The following ZNRF1 variants were observed in gnomAD, a reference collection of about 807,000 sequenced individuals.
The protein encoded by ZNRF1 is zinc and ring finger 1, also known as E3 ubiquitin-protein ligase ZNRF1.
Under a neutral mutation model 18.4 loss-of-function variants are expected in ZNRF1, and 3 were observed. That is an observed-to-expected ratio of 0.16 (90% CI 0.07 to 0.42). The LOEUF (loss-of-function observed/expected upper bound fraction) is 0.42, where lower values mean the gene tolerates loss of function less well. Ranked by LOEUF, ZNRF1 falls within the 10% of genes least tolerant of loss-of-function variation. ZNRF1 has a pLI of 0.99. For synonymous variants in ZNRF1, 157 were observed against 144.2 expected, an observed-to-expected ratio of 1.09 and a Z score of -0.64; for missense variants, 310 against 329.8, an observed-to-expected ratio of 0.94 and a Z score of 0.47.
intron 1 of ZNRF1, among the ~76,000 whole-genome samples, chr16:75,047,106 TC>T (rs2035525998): frequency 6.6e-6 from 1 of 152,232 alleles, no homozygotes; most frequent in Non-Finnish European, 1.5e-5. Context: ...TCATTACAGA[TC>T]CACCCCATTC....
chr16:75,042,443 C>CTTTTT (rs56212046), intron 1 of ZNRF1, among the ~76,000 whole-genome samples: 1,255 of 116,476 alleles, frequency 0.011, 1 homozygote, highest in East Asian at 0.031. Context: ...CTGTTTCTTT[C>CTTTTT]TTTTTTTTTT....
intron 1 of ZNRF1, among the ~76,000 whole-genome samples, chr16:75,030,960 C>G (rs771504034): frequency 1.3e-5 from 2 of 151,008 alleles, no homozygotes; most frequent in Non-Finnish European, 2.9e-5. Flanking sequence ...TCCTCAGCCT[C>G]CTAAATAGCT....
intron 1 of ZNRF1, among the ~76,000 whole-genome samples, chr16:75,065,832 A>G (rs1597891060): frequency 6.6e-6 from 1 of 152,038 alleles, no homozygotes; most frequent in Non-Finnish European, 1.5e-5. Flanking sequence ...TCCTGTGGAC[A>G]CTCCACCAAT....
chr16:75,000,376 C>T (rs1030226804), intron 1 of ZNRF1: 1 of 620,566 alleles, frequency 1.6e-6, no homozygotes, highest in Non-Finnish European at 3.0e-6. Flanking sequence ...GCATCACCCT[C>T]CTCAGAGAAG....
intron 2 of ZNRF1, among the ~76,000 whole-genome samples, chr16:75,099,327 TA>T (rs2145426796): frequency 6.6e-6 from 1 of 152,206 alleles, no homozygotes. Flanking sequence ...CTTTGACAAA[TA>T]GCAGCTGTCA....
In ZNRF1 at chr16:75,090,880, G is replaced by A. The variant is rs147882572; in HGVS notation, c.425-2692G>A. ...GGCCACCAGAGTCACGGCTTTTCATGCAGAGTTAGGCACCCAATTAAATAA... is the reference window on the plus strand; with the variant it reads ...GGCCACCAGAGTCACGGCTTTTCATACAGAGTTAGGCACCCAATTAAATAA... On this transcript the variant is annotated intron_variant, in intron 1 of 4. Coordinates refer to ENST00000335325, the MANE Select transcript of ZNRF1 (RefSeq NM_032268.5). Among the ~76,000 whole-genome samples, 399 of 152,268 alleles carry A rather than the reference G, an allele frequency of 2.6e-3. 1 individual carries two copies. The highest frequency in any genetic ancestry group is 1.6e-3 in the Non-Finnish European group (110 of 68,006).
chr16:75,079,483 A>T (rs568935061), intron 1 of ZNRF1, among the ~76,000 whole-genome samples: 5 of 152,068 alleles, frequency 3.3e-5, no homozygotes, highest in Non-Finnish European at 7.4e-5. Flanking sequence ...CGTCTCAAAA[A>T]CAAAAACAAG....
At chr16:75,083,488 T>A (rs2036039702) in intron 1 of ZNRF1, among the ~76,000 whole-genome samples, 1 of 151,862 alleles carries the variant, frequency 6.6e-6, no homozygotes. Context: ...ATGCTTAGAG[T>A]AGAAAATGAA....
rs1289860069 is a variant in ZNRF1 at position 74,999,577 on chromosome 16, T to A, written c.-95T>A. 4.3e-6 allele frequency: 4 copies of A among 932,630 alleles called. No individual in the cohort carries two copies. In the African/African-American group the frequency reaches 5.2e-5, roughly 12 times the overall value. The allele number at this position is 932,630 out of a possible 1,614,324, so 57.8% of individuals were successfully genotyped here. ...CCTCCGGGTCTCCTTTTTGACTCCC[T>A]CCCCCTTTATGCTCGCCCAGCCCTC... On this transcript the variant is annotated 5_prime_UTR_variant, in exon 1 of 5. Coordinates refer to ENST00000335325, the MANE Select transcript of ZNRF1 (RefSeq NM_032268.5).
chr16:75,036,218 G>C (rs1160987731), intron 1 of ZNRF1, among the ~76,000 whole-genome samples: 1 of 152,184 alleles, frequency 6.6e-6, no homozygotes, highest in Non-Finnish European at 1.5e-5. Context: ...TCACAGGCAT[G>C]TGCCATCACA....
intron 1 of ZNRF1, among the ~76,000 whole-genome samples, chr16:75,085,819 T>TGAGAGAGAGAGA (rs1054739310): frequency 2.0e-4 from 11 of 56,030 alleles, no homozygotes; most frequent in African/African-American, 6.1e-4. Context: ...AGAGAGAGAG[T>TGAGAGAGAGAGA]GAGTGTGTGT....
chr16:75,051,035 G>GAA (rs746889171), intron 1 of ZNRF1, among the ~76,000 whole-genome samples: 2 of 50,102 alleles, frequency 4.0e-5, no homozygotes, highest in African/African-American at 7.7e-5. Context: ...GCTACAAAAA[G>GAA]AAAAAAAAAA....
chr16:75,030,833 C>CTTTTTTTTTT lies in ZNRF1; in HGVS notation c.424+30751_424+30760dup, dbSNP rs59468839. 2.1e-4 allele frequency among the ~76,000 whole-genome samples: 19 copies of CTTTTTTTTTT among 91,410 alleles called. 3 individuals are homozygous for CTTTTTTTTTT. The highest frequency in any genetic ancestry group is 2.0e-4 in the Non-Finnish European group (9 of 45,088). The allele number at this position is 91,410 out of a possible 152,430, so 60.0% of individuals were successfully genotyped here. A position where few individuals can be genotyped will look rare whatever the true frequency, so the allele number is the denominator to read the frequency against. On this transcript the variant is annotated intron_variant, in intron 1 of 4. Coordinates refer to ENST00000335325, the MANE Select transcript of ZNRF1 (RefSeq NM_032268.5). Reference sequence around the variant, plus strand: ...CATTGTAGCATGCAGCACTTTATTCCTTTTTTTTTTTTTTTTTTTTTTGTT... The same window carrying CTTTTTTTTTT: ...CATTGTAGCATGCAGCACTTTATTCCTTTTTTTTTTTTTTTTTTTTTTTTTTTTTTTTGTT...
chr16:75,040,388 G>C (rs1474330088), intron 1 of ZNRF1, among the ~76,000 whole-genome samples: 1 of 151,688 alleles, frequency 6.6e-6, no homozygotes, highest in Non-Finnish European at 1.5e-5. Context: ...CCAAAGTGCT[G>C]GGATTACGGA....
chr16:75,085,819 T>TGAGAGAGAGA (rs1054739310), intron 1 of ZNRF1, among the ~76,000 whole-genome samples: 2,209 of 55,442 alleles, frequency 0.04, 66 homozygotes, highest in African/African-American at 0.12. Flanking sequence ...AGAGAGAGAG[T>TGAGAGAGAGA]GAGTGTGTGT....
intron 1 of ZNRF1, among the ~76,000 whole-genome samples, chr16:75,033,387 T>A (rs1158895417): frequency 2.0e-5 from 3 of 151,910 alleles, no homozygotes; most frequent in Non-Finnish European, 4.4e-5. Context: ...ACACGGTATT[T>A]CTCTAGCTTC....
At chr16:75,001,269 C>G (rs1567461319) in intron 1 of ZNRF1, among the ~76,000 whole-genome samples, 1 of 151,870 alleles carries the variant, frequency 6.6e-6, no homozygotes, top group Admixed American at 6.6e-5. Context: ...TGGGGTATCT[C>G]TTTCCCCCCC....
intron 1 of ZNRF1, among the ~76,000 whole-genome samples, chr16:75,090,153 C>G (rs1254727916): frequency 1.3e-5 from 2 of 152,122 alleles, no homozygotes; most frequent in African/African-American, 2.4e-5. Context: ...TGAAAAAAAC[C>G]CCATGTGAGT....
chr16:75,006,256 A>G lies in ZNRF1; in HGVS notation c.424+6161A>G, dbSNP rs553777296. Among the ~76,000 whole-genome samples, 16 of 152,342 alleles carry G rather than the reference A, an allele frequency of 1.1e-4. No homozygotes were observed. The East Asian group carries it at 3.1e-3, about 29-fold the overall frequency. On this transcript the variant is annotated intron_variant, in intron 1 of 4. Transcript: ENST00000335325. Reference sequence around the variant, plus strand: ...ATTATAAAACTAAGCTTCAATTTTGACAGCTTCAAAATTAGAAAAACTTCA... The same window carrying G: ...ATTATAAAACTAAGCTTCAATTTTGGCAGCTTCAAAATTAGAAAAACTTCA...
Sources: gnomAD v4.1 joint callset for allele counts (sites outside exome capture counted in the v4.1 genomes callset) on GRCh38, gnomAD v4.1.1 for gene constraint, MANE v1.5 for transcripts, NCBI Gene and HGNC (gene_info 2026-07-23, HGNC 2026-07-21) for gene names.